DNAH5: variants seen among roughly 807,000 people sequenced by gnomAD.
DNAH5 encodes the protein dynein axonemal heavy chain 5.
DNAH5 carries 372 observed loss-of-function variants against 518.2 expected under a neutral mutation model. The observed-to-expected ratio is 0.72, with a 90% CI of 0.66 to 0.78. The LOEUF is 0.78. Ranked by LOEUF, DNAH5 falls within the 30% of genes least tolerant of loss-of-function variation. The pLI, the probability that DNAH5 is intolerant of heterozygous loss-of-function variation, is 0.00. For synonymous variants in DNAH5, 2,039 were observed against 2,025.9 expected (o/e 1.01, Z -0.17); for missense variants, 5,523 against 5,687.0 (o/e 0.97, Z 0.93).
At chr5:13,906,241 T>C (rs1775273883) in intron 12 of DNAH5, among the ~76,000 whole-genome samples, 1 of 152,160 alleles carries the variant, frequency 6.6e-6, no homozygotes, top group African/African-American at 2.4e-5. Flanking sequence ...TGAGCCCTAA[T>C]GTAAACTGTG....
chr5:13,882,641 A>G, intron 21 of DNAH5, 87 bp downstream of exon 21: 1 of 1,017,474 alleles, frequency 9.8e-7, no homozygotes, highest in South Asian at 1.4e-5. Flanking sequence ...AAATAAATTG[A>G]GAATTACATG....
intron 1 of DNAH5, among the ~76,000 whole-genome samples, chr5:13,999,910 C>T (rs142030913): frequency 3.9e-5 from 6 of 152,282 alleles, no homozygotes; most frequent in African/African-American, 1.4e-4. Context: ...TGCGGTAACA[C>T]CTCATTGAGG....
chr5:13,820,495 T>C lies in DNAH5; in HGVS notation c.6692A>G (p.Glu2231Gly). The C allele has an allele frequency of 6.2e-7, 1 of 1,613,968 alleles. No individual in the cohort carries two copies. The highest frequency in any genetic ancestry group is 8.5e-7 in the Non-Finnish European group (1 of 1,180,012). Residue 2231 changes from glutamate to glycine, a missense_variant, in exon 41 of 79, where the codon GAA (glutamate) becomes GGA (glycine). By Grantham distance (98) the Glu-to-Gly change is moderately conservative. Transcript: ENST00000265104. ...ELEAAISRQV[E>G]EAGLINHPPW... ...AGGATGGTTGATTAAACCAGCTTCT[T>C]CAACCTGAAAACATAAGAGAATCCC...
chr5:13,839,263 G>C (rs1326329711), intron 35 of DNAH5, 93 bp downstream of exon 35: 1 of 1,116,576 alleles, frequency 9.0e-7, no homozygotes, highest in South Asian at 1.3e-5. Flanking sequence ...TTAGTATAAA[G>C]AGCCTATAAA....
In DNAH5 at chr5:13,700,732, C is replaced by G. The variant is rs978026033; in HGVS notation, c.13631G>C (p.Gly4544Ala). 3.1e-6 allele frequency: 5 copies of G among 1,614,156 alleles called. No individual in the cohort carries two copies. Among genetic ancestry groups the G allele is most frequent in the Middle Eastern group, 1.6e-4 (1 of 6,062 alleles). The change falls in exon 78 of 79, where the codon GGC (glycine) becomes GCC (alanine). Residue 4544 changes from glycine (G) to alanine (A), a missense_variant. Physicochemically the swap from Gly to Ala is moderately conservative, Grantham distance 60. Around this residue, in one of 3 missense-constraint regions of DNAH5, gnomAD observed 387 missense variants for 430.0 expected, o/e 0.90. Transcript: ENST00000265104. ...GAGTTTCATGTTCCTCTTGTCCCAG[C>G]CAGCACCTTCAAGATATAAGCCATA... ...YVYGLYLEGA[G>A]WDKRNMKLIE...
At position 13,977,255 on chromosome 5, in the gene DNAH5, A is replaced by T. The variant is rs185733118; in HGVS notation, c.12+34393T>A. Among the ~76,000 whole-genome samples the T allele has an allele frequency of 5.3e-5, 8 of 152,258 alleles. No homozygotes were observed. The East Asian group carries it at 1.5e-3, about 29-fold the overall frequency. ...TCAGCCTCTGCTTGTCCATGCAATGATCACTCAGGTGGAGGCTTGCCCAGG... is the reference window on the plus strand; with the variant it reads ...TCAGCCTCTGCTTGTCCATGCAATGTTCACTCAGGTGGAGGCTTGCCCAGG... On this transcript the variant is annotated intron_variant, in intron 1 of 78. Coordinates refer to the DNAH5 transcript ENST00000681290.
At chr5:13,884,058 T>G (rs562695939) in intron 19 of DNAH5, among the ~76,000 whole-genome samples, 2 of 152,188 alleles carry the variant, frequency 1.3e-5, no homozygotes, top group Non-Finnish European at 2.9e-5. Flanking sequence ...GCCTCTAGAT[T>G]TGACAGATTT....
At chr5:13,874,210 A>C (rs915922217) in intron 22 of DNAH5, among the ~76,000 whole-genome samples, 2 of 152,194 alleles carry the variant, frequency 1.3e-5, no homozygotes, top group Non-Finnish European at 1.5e-5. Context: ...AGACATATTC[A>C]CATATGTATG....
chr5:13,765,461 A>G (rs964358234), intron 59 of DNAH5, among the ~76,000 whole-genome samples: 1 of 152,208 alleles, frequency 6.6e-6, no homozygotes, highest in Non-Finnish European at 1.5e-5. Flanking sequence ...TAAGGATATA[A>G]TTATCTTAAG....
chr5:13,874,563 G>A (rs1293429301), intron 22 of DNAH5, among the ~76,000 whole-genome samples: 1 of 152,050 alleles, frequency 6.6e-6, no homozygotes, highest in East Asian at 1.9e-4. Flanking sequence ...TGTCACCCAG[G>A]CTAGAGTGCA....
At position 13,719,105 on chromosome 5, in the gene DNAH5, T is replaced by A. The variant is rs1561106680; in HGVS notation, c.12280-4A>T. The A allele has an allele frequency of 3.7e-6, 6 of 1,611,296 alleles. No homozygotes were observed. In the East Asian group the frequency reaches 1.3e-4, roughly 36 times the overall value. On this transcript the variant is annotated splice_region_variant and splice_polypyrimidine_tract_variant and intron_variant, in intron 71 of 78. Transcript: ENST00000265104. ...TCTGCAGAAGTGCCCATCCTCCCTG[T>A]CAATAGCAGTAAACGGAAATTAGGT...
At chr5:13,863,019 G>A (rs576349867) in intron 28 of DNAH5, among the ~76,000 whole-genome samples, 1 of 152,102 alleles carries the variant, frequency 6.6e-6, no homozygotes, top group African/African-American at 2.4e-5. Context: ...AAGGAAAGAT[G>A]ACAGAAAATA....
chr5:13,989,761 T>G (rs7707025), intron 1 of DNAH5, among the ~76,000 whole-genome samples: 110,115 of 152,080 alleles, frequency 0.72, 40,223 homozygotes, highest in East Asian at 0.98. Flanking sequence ...CGGATTACAG[T>G]CATGAGCCAC....
rs369244905 is a variant in DNAH5, at chr5:13,894,645, C to T, written c.2431+5G>A. On this transcript the variant is annotated splice_donor_5th_base_variant and intron_variant, in intron 16 of 78. Coordinates refer to ENST00000265104, the MANE Select transcript of DNAH5 (RefSeq NM_001369.3). ...CAGAAATACTAATTATTCAGGCAGA[C>T]TTACTGATCTTTGCAAAAGTGTTTT... The T allele has an allele frequency of 4.9e-5, 79 of 1,613,796 alleles. No individual in the cohort carries two copies. In the African/African-American group the frequency reaches 1.0e-3, roughly 20 times the overall value.
intron 12 of DNAH5, among the ~76,000 whole-genome samples, chr5:13,907,543 G>A (rs893551752): frequency 5.3e-5 from 8 of 152,078 alleles, no homozygotes; most frequent in African/African-American, 9.7e-5. Flanking sequence ...GTTGTAAAAA[G>A]AATGACTTAA....
In DNAH5 at chr5:13,769,500, C is replaced by A; in HGVS notation, c.9720+1G>T. Reference sequence around the variant, plus strand: ...TGGCACATGTGTAAATGCCCACCCACCATGTCGGCTTTATCGTTGGCCACT... The same window carrying A: ...TGGCACATGTGTAAATGCCCACCCAACATGTCGGCTTTATCGTTGGCCACT... On this transcript the variant is annotated splice_donor_variant, in intron 57 of 78. Coordinates refer to ENST00000265104, the MANE Select transcript of DNAH5 (RefSeq NM_001369.3). LOFTEE classifies it high-confidence loss of function. 1 of 1,612,952 alleles carries A rather than the reference C, an allele frequency of 6.2e-7. No individual in the cohort carries two copies. The highest frequency in any genetic ancestry group is 8.5e-7 in the Non-Finnish European group (1 of 1,178,962).
At position 13,824,275 on chromosome 5, in the gene DNAH5, G is replaced by A. The variant is rs1762611695; in HGVS notation, c.6503C>T (p.Ala2168Val). The change falls in exon 39 of 79, where the codon GCA becomes GTA. Residue 2168 changes from alanine (A) to valine (V), a missense_variant. Transcript: ENST00000265104. ...ILSVLRTLGA[A>V]KRANPMDTES... ...CGTATCCATTGGATTGGCTCTTTTTGCTGCTCCCAAGGTCCGAAGAACTGA... is the reference window on the plus strand; with the variant it reads ...CGTATCCATTGGATTGGCTCTTTTTACTGCTCCCAAGGTCCGAAGAACTGA... The A allele has an allele frequency of 2.5e-6, 4 of 1,613,976 alleles. No homozygotes were observed. The East Asian group carries it at 8.9e-5, about 36-fold the overall frequency.
intron 30 of DNAH5, among the ~76,000 whole-genome samples, chr5:13,856,572 A>G (rs759951734): frequency 6.6e-6 from 1 of 152,170 alleles, no homozygotes; most frequent in Non-Finnish European, 1.5e-5. Flanking sequence ...AAAAAAAGAA[A>G]ATTTAGGCCA....
At chr5:13,782,767 T>C (rs1755375675) in intron 52 of DNAH5, among the ~76,000 whole-genome samples, 1 of 152,142 alleles carries the variant, frequency 6.6e-6, no homozygotes, top group Non-Finnish European at 1.5e-5. Context: ...AAAACATATC[T>C]GACAAAGGAA....
Sources: allele counts gnomAD v4.1 joint callset (sites outside exome capture counted in the v4.1 genomes callset), GRCh38; gene constraint gnomAD v4.1.1; regional missense constraint gnomAD v4.1.1; transcripts MANE v1.5; gene names NCBI Gene and HGNC (gene_info 2026-07-23, HGNC 2026-07-21).